The following BSCL2 variants were observed in gnomAD, a reference collection of about 807,000 sequenced individuals.
BSCL2 encodes seipin.
In BSCL2, 41 loss-of-function variants were observed where a neutral mutation model predicts 57.4. The ratio of observed to expected loss-of-function variants is 0.71; its 90% CI spans 0.56 to 0.93. The LOEUF is 0.93. BSCL2 is among the 40% of genes least tolerant of loss of function. BSCL2 has a pLI of 0.00. For missense variants in BSCL2, 539 were observed against 586.7 expected (o/e 0.92, Z 0.84); for synonymous variants, 237 against 227.3 (o/e 1.04, Z -0.38).
At chr11:62,693,828 T>A (rs900750462) in intron 4 of BSCL2, among the ~76,000 whole-genome samples, 1 of 152,076 alleles carries the variant, frequency 6.6e-6, no homozygotes, top group African/African-American at 2.4e-5. Flanking sequence ...CTCTTTTTTT[T>A]TTTAAGACAA....
Position 62,694,591 on chromosome 11 carries a change from T to C in BSCL2, c.607A>G (p.Ile203Val). 1 of 1,614,080 alleles carries C rather than the reference T, an allele frequency of 6.2e-7. No homozygotes were observed. Among genetic ancestry groups the C allele is most frequent in the Non-Finnish European group, 8.5e-7 (1 of 1,180,020 alleles). Residue 203 changes from isoleucine to valine, a missense_variant, in exon 4 of 11, where the codon ATC becomes GTC. Ile to Val is a conservative substitution (Grantham distance 29, BLOSUM62 3). Transcript: ENST00000360796. ...ACCGAACGCGAAGAAGTGGAGATGA[T>C]TCGGCCACCTCTGGTGTAGCAGGAA... ...TISCYTRGGR[I>V]ISTSSRSVML...
Position 62,707,254 on chromosome 11 carries a change from G to GC in BSCL2, c.-60_-59insG. On this transcript the variant is annotated 5_prime_UTR_variant, in exon 1 of 11. The change abolishes the stop of an existing upstream ORF in the 5' untranslated region. Transcript: ENST00000360796. ...CCACTGAGTCACTTGTGGCTAAAACGTGAAGTGGCGATCCAGACGCTGATA... is the reference window on the plus strand; with the variant it reads ...CCACTGAGTCACTTGTGGCTAAAACGCTGAAGTGGCGATCCAGACGCTGATA... The GC allele has an allele frequency of 7.0e-7, 1 of 1,429,020 alleles. No homozygotes were observed. The highest frequency in any genetic ancestry group is 9.7e-7 in the Non-Finnish European group (1 of 1,035,224). 88.5% of individuals were successfully genotyped at this position (1,429,020 alleles called of 1,614,324 possible).
chr11:62,696,831 AG>A (rs1329464924), intron 3 of BSCL2, among the ~76,000 whole-genome samples: 2 of 151,942 alleles, frequency 1.3e-5, no homozygotes, highest in Non-Finnish European at 2.9e-5. Flanking sequence ...CTGGGATTAT[AG>A]GTGTGAGCCA....
intron 2 of BSCL2, among the ~76,000 whole-genome samples, chr11:62,703,519 A>G (rs995516448): frequency 6.7e-6 from 1 of 150,352 alleles, no homozygotes; most frequent in African/African-American, 2.4e-5. Context: ...CGCCCGGCTA[A>G]TTTTTTTATT....
Position 62,702,551 on chromosome 11 carries a change from T to C in BSCL2, c.405-2A>G. On this transcript the variant is annotated splice_acceptor_variant, in intron 2 of 10. Transcript: ENST00000360796. LOFTEE classifies it high-confidence loss of function. The stretch of plus-strand genomic sequence containing the variant: ...GTGGTGGAGGAATCACAGTCGGTCC[T>C]AAATGAGATTGGAGGAGGATACTCT... 3.1e-6 allele frequency: 5 copies of C among 1,609,620 alleles called. No individual in the cohort carries two copies. Among genetic ancestry groups the C allele is most frequent in the Non-Finnish European group, 4.2e-6 (5 of 1,176,682 alleles).
At chr11:62,705,075 CTTTTTTTTT>C (rs566098807) in intron 2 of BSCL2, among the ~76,000 whole-genome samples, 13 of 133,020 alleles carry the variant, frequency 9.8e-5, no homozygotes, top group Non-Finnish European at 1.6e-4. Flanking sequence ...GATATTTTTC[CTTTTTTTTT>C]TTTTTTTTTT....
rs1479808453 is a variant in BSCL2 at position 62,692,727 on chromosome 11, A to G, written c.701T>C (p.Phe234Ser). Residue 234 changes from phenylalanine to serine, a missense_variant, in exon 5 of 11, where the codon TTT (phenylalanine) becomes TCT (serine). Coordinates refer to ENST00000360796, the MANE Select transcript of BSCL2 (RefSeq NM_001122955.4). ...CAGCTGCTTCTGCTCTGCAAAGCCAAATAGCAGGAGGCTAGAGAAGACCAG... is the reference window on the plus strand; with the variant it reads ...CAGCTGCTTCTGCTCTGCAAAGCCAGATAGCAGGAGGCTAGAGAAGACCAG... ...DTLVFSSLLL[F>S]GFAEQKQLLE... is the part of the protein sequence containing the mutation. 6.2e-7 allele frequency: 1 copy of G among 1,614,040 alleles called. No individual in the cohort carries two copies. Among genetic ancestry groups the G allele is most frequent in the African/African-American group, 1.3e-5 (1 of 74,936 alleles).
At chr11:62,708,636 C>A, upstream of BSCL2, 5 of 1,609,254 alleles carry the variant, frequency 3.1e-6, no homozygotes, top group Non-Finnish European at 4.2e-6. Flanking sequence ...CAGTCCCCTT[C>A]AGAGGTCCTG....
chr11:62,703,999 T>C (rs973253232), intron 2 of BSCL2, among the ~76,000 whole-genome samples: 5 of 150,864 alleles, frequency 3.3e-5, no homozygotes, highest in African/African-American at 1.2e-4. Flanking sequence ...CAGGCACCTG[T>C]AATCCCAGTT....
upstream of BSCL2, chr11:62,709,100 C>A: frequency 2.1e-6 from 1 of 482,922 alleles, no homozygotes; most frequent in Non-Finnish European, 4.0e-6. Flanking sequence ...CGGTGACCTG[C>A]TCAGACAATG....
upstream of BSCL2, chr11:62,708,214 C>T: frequency 3.3e-6 from 3 of 900,204 alleles, no homozygotes; most frequent in Non-Finnish European, 5.7e-6. Context: ...TGACCACAGC[C>T]TTGTAAAGGT....
chr11:62,706,654 G>A (rs1408667021), intron 1 of BSCL2: 2 of 475,182 alleles, frequency 4.2e-6, no homozygotes, highest in East Asian at 1.4e-4. Flanking sequence ...GCCGAGTGAG[G>A]CGGTCATCCA....
chr11:62,708,761 G>A (rs781236127), upstream of BSCL2: 1 of 1,614,092 alleles, frequency 6.2e-7, no homozygotes, highest in East Asian at 2.2e-5. Flanking sequence ...TGCCCACTTC[G>A]GAGAACCCCT....
intron 4 of BSCL2, among the ~76,000 whole-genome samples, chr11:62,694,060 C>T (rs1368728123): frequency 4.6e-5 from 7 of 151,724 alleles, no homozygotes; most frequent in Admixed American, 4.0e-4. Context: ...GTGATCTACC[C>T]GCCTCGGCCT....
intron 2 of BSCL2, among the ~76,000 whole-genome samples, chr11:62,702,867 G>A (rs1590882081): frequency 6.6e-6 from 1 of 151,808 alleles, no homozygotes; most frequent in Admixed American, 6.6e-5. Context: ...GTAAATTCCA[G>A]GGCCAAGCAG....
rs1373533101 is a variant in BSCL2, at chr11:62,705,227, A to C, written c.404+74T>G. 13 of 1,428,882 alleles carry C rather than the reference A, an allele frequency of 9.1e-6. No homozygotes were observed. In the Admixed American group the frequency reaches 1.4e-4, roughly 15 times the overall value. 88.5% of individuals were successfully genotyped at this position (1,428,882 alleles called of 1,614,324 possible). A position where few individuals can be genotyped will look rare whatever the true frequency, so the allele number is the denominator to read the frequency against. On this transcript the variant is annotated intron_variant, in intron 2 of 10. Transcript: ENST00000360796. ...GTTTTCCTTATCTGTAAATGAGGGG[A>C]TTGAACTGAATGAACTCCAAGGGCC...
At chr11:62,695,140 T>G (rs554637787) in intron 3 of BSCL2, among the ~76,000 whole-genome samples, 15 of 152,288 alleles carry the variant, frequency 9.8e-5, no homozygotes, top group Middle Eastern at 6.8e-3. Flanking sequence ...ACAGTCATCC[T>G]CGCTCCAGAT....
chr11:62,705,909 T>C (rs1274509068), intron 1 of BSCL2: 2 of 399,660 alleles, frequency 5.0e-6, no homozygotes, highest in Non-Finnish European at 9.1e-6. Flanking sequence ...TAACAAAGAA[T>C]AAGCACCTTA....
At chr11:62,706,407 G>A (rs2083537925) in intron 1 of BSCL2, 1 of 687,080 alleles carries the variant, frequency 1.5e-6, no homozygotes, top group Non-Finnish European at 2.1e-6. Flanking sequence ...GGCGGGACGG[G>A]GCGGAGCCTT....
Sources: gnomAD v4.1 joint callset for allele counts (sites outside exome capture counted in the v4.1 genomes callset) on GRCh38, gnomAD v4.1.1 for gene constraint, MANE v1.5 for transcripts, NCBI Gene and HGNC (gene_info 2026-07-23, HGNC 2026-07-21) for gene names.